The following PHACTR1 variants were observed in gnomAD, a reference collection of about 807,000 sequenced individuals.
PHACTR1 encodes the protein phosphatase and actin regulator 1.
Under a neutral mutation model 69.2 loss-of-function variants are expected in PHACTR1, and 16 were observed. The observed-to-expected ratio is 0.23, with a 90% confidence interval of 0.16 to 0.35. The LOEUF (loss-of-function observed/expected upper bound fraction) is 0.35, where lower values mean the gene tolerates loss of function less well. PHACTR1 is among the 10% of genes least tolerant of loss of function. PHACTR1 has a pLI of 1.00. For synonymous variants in PHACTR1, 312 were observed against 284.5 expected (o/e 1.10, Z -0.97); for missense variants, 510 against 734.7 (o/e 0.69, Z 3.54).
At chr6:13,124,944 A>C (rs765830509) in intron 5 of PHACTR1, among the ~76,000 whole-genome samples, 221 of 152,156 alleles carry the variant, frequency 1.5e-3, no homozygotes, top group Non-Finnish European at 2.1e-3. Flanking sequence ...CCTTAATATG[A>C]CCCAAATCTT....
chr6:12,980,456 A>G (rs1038281502), intron 4 of PHACTR1, among the ~76,000 whole-genome samples: 1 of 152,094 alleles, frequency 6.6e-6, no homozygotes. Context: ...GTGATATTAT[A>G]TGCTCCCAGA....
At chr6:13,174,269 C>T (rs1233874055) in intron 6 of PHACTR1, among the ~76,000 whole-genome samples, 1 of 152,202 alleles carries the variant, frequency 6.6e-6, no homozygotes, top group Non-Finnish European at 1.5e-5. Context: ...TTAGCAAATG[C>T]TTGCGTTAGC....
chr6:13,257,373 T>A (rs11758225), intron 10 of PHACTR1, among the ~76,000 whole-genome samples: 9,461 of 152,228 alleles, frequency 0.062, 549 homozygotes, highest in African/African-American at 0.15. Context: ...GAGATTTGGG[T>A]GGGGACACAG....
rs190660285 is a variant in PHACTR1 at position 12,968,076 on chromosome 6, C to A, written c.251-85289C>A. 2.6e-5 allele frequency among the ~76,000 whole-genome samples: 4 copies of A among 152,216 alleles called. No homozygotes were observed. The East Asian group carries it at 7.7e-4, about 29-fold the overall frequency. On this transcript the variant is annotated intron_variant, in intron 4 of 14. Transcript: ENST00000332995. Reference sequence around the variant, plus strand: ...CTGTGTTATGTGCCCTCTCCACTCACCAGAATTATAGAACTCTTTCAGGGA... The same window carrying A: ...CTGTGTTATGTGCCCTCTCCACTCAACAGAATTATAGAACTCTTTCAGGGA...
intron 6 of PHACTR1, among the ~76,000 whole-genome samples, chr6:13,169,908 G>T (rs1168514724): frequency 6.6e-6 from 1 of 152,160 alleles, no homozygotes; most frequent in Non-Finnish European, 1.5e-5. Context: ...TATCCCAAAT[G>T]CCTCAAACAA....
chr6:13,089,386 A>T (rs1812842158), intron 5 of PHACTR1, among the ~76,000 whole-genome samples: 2 of 152,146 alleles, frequency 1.3e-5, no homozygotes, highest in African/African-American at 2.4e-5. Context: ...CTCACTTTGT[A>T]TAGAAGGGCA....
At chr6:12,886,745 A>C (rs573909317) in intron 4 of PHACTR1, among the ~76,000 whole-genome samples, 94 of 151,494 alleles carry the variant, frequency 6.2e-4, no homozygotes, top group African/African-American at 2.0e-3. Flanking sequence ...GAGAGAAGAC[A>C]GGGGAGAAGT....
chr6:12,816,432 G>A (rs546704913), intron 4 of PHACTR1, among the ~76,000 whole-genome samples: 1 of 152,242 alleles, frequency 6.6e-6, no homozygotes, highest in South Asian at 2.1e-4. Flanking sequence ...TTCATGTCAG[G>A]GAGAGATAAA....
At chr6:12,963,586 C>T (rs1302716371) in intron 4 of PHACTR1, among the ~76,000 whole-genome samples, 1 of 152,178 alleles carries the variant, frequency 6.6e-6, no homozygotes, top group Non-Finnish European at 1.5e-5. Flanking sequence ...GCCTCCAGTG[C>T]CCAAGAAGGA....
intron 4 of PHACTR1, among the ~76,000 whole-genome samples, chr6:12,863,025 G>A (rs1230731952): frequency 1.3e-5 from 2 of 152,214 alleles, no homozygotes; most frequent in Non-Finnish European, 2.9e-5. Flanking sequence ...TTCACCTTTA[G>A]ATGGGGACTC....
chr6:13,172,058 C>T (rs942712103), intron 6 of PHACTR1, among the ~76,000 whole-genome samples: 4 of 152,250 alleles, frequency 2.6e-5, no homozygotes, highest in Non-Finnish European at 4.4e-5. Context: ...TGAGCCACCA[C>T]GCCCGGTCAA....
At chr6:13,076,684 G>A (rs921092029) in intron 5 of PHACTR1, among the ~76,000 whole-genome samples, 1 of 151,936 alleles carries the variant, frequency 6.6e-6, no homozygotes, top group African/African-American at 2.4e-5. Flanking sequence ...AGAGCTCTGA[G>A]AAGCAAACAA....
chr6:12,784,011 CATG>C (rs1202017134), intron 4 of PHACTR1, among the ~76,000 whole-genome samples: 21 of 152,084 alleles, frequency 1.4e-4, no homozygotes, highest in African/African-American at 3.6e-4. Flanking sequence ...CACACATATA[CATG>C]ATGATATGTA....
At chr6:13,138,886 A>C (rs538101848) in intron 5 of PHACTR1, among the ~76,000 whole-genome samples, 1 of 152,304 alleles carries the variant, frequency 6.6e-6, no homozygotes, top group East Asian at 1.9e-4. Flanking sequence ...CTGTCTCCTG[A>C]CATTTTCTTG....
At chr6:13,081,974 C>G (rs565384236) in intron 5 of PHACTR1, among the ~76,000 whole-genome samples, 2 of 152,248 alleles carry the variant, frequency 1.3e-5, no homozygotes, top group South Asian at 4.1e-4. Flanking sequence ...GTTAACAATT[C>G]ACAAAGAATT....
intron 5 of PHACTR1, among the ~76,000 whole-genome samples, chr6:13,151,956 T>A (rs1439516474): frequency 1.3e-5 from 2 of 152,086 alleles, no homozygotes; most frequent in African/African-American, 4.8e-5. Context: ...GACATTTTTT[T>A]AAATGCCCTA....
intron 10 of PHACTR1, among the ~76,000 whole-genome samples, chr6:13,242,587 A>G (rs202059): frequency 0.066 from 10,087 of 152,282 alleles, 670 homozygotes; most frequent in Admixed American, 0.21. Flanking sequence ...CATGGTCTAT[A>G]TCAATGAATT....
chr6:12,819,422 C>T (rs1315917111), intron 4 of PHACTR1, among the ~76,000 whole-genome samples: 2 of 152,160 alleles, frequency 1.3e-5, no homozygotes, highest in African/African-American at 4.8e-5. Flanking sequence ...TCATATATTT[C>T]AACCACACAG....
chr6:13,230,429 C>A, intron 10 of PHACTR1: 1 of 897,486 alleles, frequency 1.1e-6, no homozygotes, highest in Non-Finnish European at 1.5e-6. Context: ...GCCTGTAGTC[C>A]CAGCTACTCG....
Sources: gnomAD v4.1 joint callset for allele counts (sites outside exome capture counted in the v4.1 genomes callset) on GRCh38, gnomAD v4.1.1 for gene constraint, MANE v1.5 for transcripts, NCBI Gene and HGNC (gene_info 2026-07-23, HGNC 2026-07-21) for gene names.